The following VASH1 variants were observed in gnomAD, a reference collection of about 807,000 sequenced individuals.
VASH1 encodes the protein tubulinyl-Tyr carboxypeptidase 1.
VASH1 carries 16 observed loss-of-function variants against 35.0 expected under a neutral mutation model. The ratio of observed to expected loss-of-function variants is 0.46; its 90% CI spans 0.31 to 0.70. The LOEUF (loss-of-function observed/expected upper bound fraction) is 0.70, where lower values mean the gene tolerates loss of function less well. Ranked by LOEUF, VASH1 falls within the 30% of genes least tolerant of loss-of-function variation. The pLI is 0.05. For synonymous variants in VASH1, 214 were observed against 200.9 expected (o/e 1.07, Z -0.55); for missense variants, 505 against 510.7 (o/e 0.99, Z 0.11).
At position 76,771,190 on chromosome 14, in the gene VASH1, G is replaced by A; in HGVS notation, c.399G>A (p.Gln133=). The A allele has an allele frequency of 6.3e-7, 1 of 1,596,022 alleles. No homozygotes were observed. Among genetic ancestry groups the A allele is most frequent in the South Asian group, 1.1e-5 (1 of 88,216 alleles). ...GGAAGCCCTTAACCCGTGCCCACAG[G>A]TACAATCACACAGGGACACAGTTCT... ...EAVQRYIREL[Q]YNHTGTQFFE... The change falls in exon 3 of 7, where the codon CAG becomes CAA. Residue 133 remains glutamine, a splice_region_variant and synonymous_variant. Transcript: ENST00000167106.
At position 76,778,950 on chromosome 14, in the gene VASH1, T is replaced by G; in HGVS notation, c.1030T>G (p.Ser344Ala). 3.7e-6 allele frequency: 6 copies of G among 1,614,094 alleles called. No homozygotes were observed. The highest frequency in any genetic ancestry group is 5.1e-6 in the Non-Finnish European group (6 of 1,179,998). The change falls in exon 7 of 7, where the codon TCG (serine) becomes GCG (alanine). Residue 344 changes from serine to alanine, a missense_variant. Physicochemically the swap from Ser to Ala is moderately conservative, Grantham distance 99. Transcript: ENST00000167106. ...RRNSRSERRP[S>A]GDKKTSEPKA... is the part of the protein sequence containing the mutation. ...TCTGCTCTCTTCCTCCCACAGGCCCTCGGGTGACAAGAAGACTTCCGAGCC... is the reference window on the plus strand; with the variant it reads ...TCTGCTCTCTTCCTCCCACAGGCCCGCGGGTGACAAGAAGACTTCCGAGCC...
At chr14:76,768,161 T>C (rs1242546968) in intron 1 of VASH1, among the ~76,000 whole-genome samples, 1 of 152,138 alleles carries the variant, frequency 6.6e-6, no homozygotes, top group Non-Finnish European at 1.5e-5. Context: ...TGCTAAGTAA[T>C]TCCTCTAATT....
At chr14:76,775,671 C>T (rs1313995248) in intron 4 of VASH1, among the ~76,000 whole-genome samples, 1 of 152,174 alleles carries the variant, frequency 6.6e-6, no homozygotes, top group African/African-American at 2.4e-5. Context: ...AAGCCCCGTG[C>T]CTATTCGAGG....
At chr14:76,773,585 A>G (rs1354233873) in intron 4 of VASH1, 3 of 361,222 alleles carry the variant, frequency 8.3e-6, no homozygotes, top group East Asian at 8.1e-5. Flanking sequence ...AGATGTTGGC[A>G]TTTCCAGAAC....
rs1042278767 is a variant in VASH1 at position 76,775,312 on chromosome 14, G to C, written c.531-580G>C. Among the ~76,000 whole-genome samples, 25 of 152,142 alleles carry C rather than the reference G, an allele frequency of 1.6e-4. 1 individual carries two copies. Among genetic ancestry groups the C allele is most frequent in the Admixed American group, 7.9e-4 (12 of 15,284 alleles). On this transcript the variant is annotated intron_variant, in intron 4 of 6. Coordinates refer to ENST00000167106, the MANE Select transcript of VASH1 (RefSeq NM_014909.5). ...AGGCCGGTGTGAGAAACTCAGGTGG[G>C]AGGCCCCGGGGGCTGGAGAGGTGAG...
At position 76,782,831 on chromosome 14, in the gene VASH1, G is replaced by A. The variant is rs1194992598; in HGVS notation, c.*3813G>A. The A allele has an allele frequency of 6.7e-6, 1 of 149,684 alleles. No homozygotes were observed. Among genetic ancestry groups the A allele is most frequent in the Non-Finnish European group, 1.5e-5 (1 of 68,140 alleles). 9.3% of individuals were successfully genotyped at this position (149,684 alleles called of 1,614,324 possible). A position where few individuals can be genotyped will look rare whatever the true frequency, so the allele number is the denominator to read the frequency against. On this transcript the variant is annotated 3_prime_UTR_variant, in exon 7 of 7. Coordinates refer to ENST00000167106, the MANE Select transcript of VASH1 (RefSeq NM_014909.5). Reference sequence around the variant, plus strand: ...TTGGCCCACAGGGCCTGGTGGTGATGGACCTCCCCGCTCCCTCAAGCTCTG... The same window carrying A: ...TTGGCCCACAGGGCCTGGTGGTGATAGACCTCCCCGCTCCCTCAAGCTCTG...
At chr14:76,770,092 G>A (rs1595271417) in intron 2 of VASH1, 41 bp downstream of exon 2, 1 of 1,574,806 alleles carries the variant, frequency 6.3e-7, no homozygotes. Flanking sequence ...CTTCTGGCCG[G>A]TGTGGTGGGC....
chr14:76,775,867 C>T (rs769612070), intron 4 of VASH1, 25 bp from the exon 5 acceptor site: 1 of 1,529,376 alleles, frequency 6.5e-7, no homozygotes, highest in Non-Finnish European at 8.8e-7. Flanking sequence ...TCTCCTGGCT[C>T]TTTCCTTAGC....
At chr14:76,763,548 T>G (rs1451208607) in intron 1 of VASH1, among the ~76,000 whole-genome samples, 1 of 152,198 alleles carries the variant, frequency 6.6e-6, no homozygotes, top group Non-Finnish European at 1.5e-5. Flanking sequence ...GTCATTGAAT[T>G]CTCCCAACAG....
intron 1 of VASH1, among the ~76,000 whole-genome samples, chr14:76,766,861 C>T (rs1394759046): frequency 6.6e-6 from 1 of 152,192 alleles, no homozygotes; most frequent in Non-Finnish European, 1.5e-5. Flanking sequence ...TCTAAGGCCT[C>T]GACCTGCAGC....
At chr14:76,775,796 G>GGCGGTGCGTGGACCCCGTGGCTC in intron 4 of VASH1, 96 bp from the exon 5 acceptor site, 2 of 1,451,268 alleles carry the variant, frequency 1.4e-6, no homozygotes, top group Non-Finnish European at 1.8e-6. Flanking sequence ...CCCCAAGGCT[G>GGCGGTGCGTGGACCCCGTGGCTC]GCGGTGCGTG....
intron 1 of VASH1, among the ~76,000 whole-genome samples, chr14:76,765,224 C>T (rs935003790): frequency 6.6e-6 from 1 of 152,140 alleles, no homozygotes; most frequent in Non-Finnish European, 1.5e-5. Context: ...TCACTAGTAA[C>T]TGGTCTGTAA....
chr14:76,775,857 T>G (rs1595277105), intron 4 of VASH1, 35 bp from the exon 5 acceptor site: 1 of 1,516,532 alleles, frequency 6.6e-7, no homozygotes, highest in Non-Finnish European at 8.9e-7. Context: ...GCCCCGTGCT[T>G]CTCCTGGCTC....
At chr14:76,772,250 A>C (rs1000872658) in intron 3 of VASH1, among the ~76,000 whole-genome samples, 10 of 152,108 alleles carry the variant, frequency 6.6e-5, no homozygotes, top group African/African-American at 2.4e-4. Flanking sequence ...AAAAGAAAAG[A>C]AAAAGAAAAA....
At position 76,779,655 on chromosome 14, in the gene VASH1, G is replaced by A. The variant is rs1409345817; in HGVS notation, c.*637G>A. The A allele has an allele frequency of 9.9e-6, 6 of 607,186 alleles. No individual in the cohort carries two copies. Among genetic ancestry groups the A allele is most frequent in the Non-Finnish European group, 1.2e-5 (4 of 340,860 alleles). 37.6% of individuals were successfully genotyped at this position (607,186 alleles called of 1,614,324 possible). On this transcript the variant is annotated 3_prime_UTR_variant, in exon 7 of 7. Coordinates refer to ENST00000167106, the MANE Select transcript of VASH1 (RefSeq NM_014909.5). ...CTTCAGGCCCTTGAGGCCCCCATGG[G>A]CAGTGCTGTGTGGGCAGAGGAGGGG... is the stretch of plus-strand genomic sequence containing the variant.
At position 76,776,105 on chromosome 14, in the gene VASH1, C is replaced by T; in HGVS notation, c.744C>T (p.Gly248=). The change falls in exon 5 of 7, where the codon GGC becomes GGT. Residue 248 remains glycine (G), a synonymous_variant. Transcript: ENST00000167106. The stretch of plus-strand genomic sequence containing the variant: ...TGCTGGACTTCGAGGCCGCCTACGG[C>T]CGCTGCTGGCACGTGCTCAAGAAGG... ...ELVLDFEAAY[G]RCWHVLKKVK... The T allele has an allele frequency of 6.2e-7, 1 of 1,608,960 alleles. No homozygotes were observed. Among genetic ancestry groups the T allele is most frequent in the Non-Finnish European group, 8.5e-7 (1 of 1,179,524 alleles).
chr14:76,778,017 C>T lies in VASH1; in HGVS notation c.971C>T (p.Ser324Phe), dbSNP rs1427826999. ...PTKDRKKDVS[S>F]PQRAQSSPHR... ...AAGGACCGGAAGAAGGATGTTTCTT[C>T]CCCGCAGCGGGCCCAGTCCAGCCCC... The change falls in exon 6 of 7, where the codon TCC (serine) becomes TTC (phenylalanine). Residue 324 changes from serine (S) to phenylalanine (F), a missense_variant. Transcript: ENST00000167106. 3 of 1,545,590 alleles carry T rather than the reference C, an allele frequency of 1.9e-6. No individual in the cohort carries two copies. Among genetic ancestry groups the T allele is most frequent in the African/African-American group, 1.4e-5 (1 of 72,130 alleles).
At chr14:76,764,934 C>T (rs904045590) in intron 1 of VASH1, among the ~76,000 whole-genome samples, 2 of 152,088 alleles carry the variant, frequency 1.3e-5, no homozygotes, top group African/African-American at 4.8e-5. Flanking sequence ...TCAGGTAATC[C>T]ACCCACCTCA....
In VASH1 at chr14:76,779,276, CTT is replaced by C. The variant is rs774519128; in HGVS notation, c.*259_*260del. The stretch of plus-strand genomic sequence containing the variant: ...TGAAGTTTAAGGTATTTGGGGAAAA[CTT>C]AGTCCAAATGGATCTGCTGATGGTG... On this transcript the variant is annotated 3_prime_UTR_variant, in exon 7 of 7. Transcript: ENST00000167106. 11 of 701,760 alleles carry C rather than the reference CTT, an allele frequency of 1.6e-5. No individual in the cohort carries two copies. The African/African-American group carries it at 1.7e-4, about 11-fold the overall frequency. The allele number at this position is 701,760 out of a possible 1,614,324, so 43.5% of individuals were successfully genotyped here.
Sources: allele counts gnomAD v4.1 joint callset (sites outside exome capture counted in the v4.1 genomes callset), GRCh38; gene constraint gnomAD v4.1.1; transcripts MANE v1.5; gene names NCBI Gene and HGNC (gene_info 2026-07-23, HGNC 2026-07-21).